Variants in PLXNA4 observed in about 807,000 individuals in gnomAD.
PLXNA4 encodes the protein plexin A4.
PLXNA4 carries 44 observed loss-of-function variants against 191.8 expected under a neutral mutation model. The observed-to-expected ratio is 0.23, with a 90% CI of 0.18 to 0.29. The LOEUF is 0.29. Among genes scored for constraint, PLXNA4 ranks in the 10% least tolerant of loss-of-function variants. The pLI is 1.00. For synonymous variants in PLXNA4, 1,082 were observed against 1,009.5 expected (o/e 1.07, Z -1.36); for missense variants, 1,800 against 2,488.8 (o/e 0.72, Z 5.89).
Position 132,156,677 on chromosome 7 carries a change from C to T in PLXNA4, c.4660+2796G>A, listed in dbSNP as rs73725833. Among the ~76,000 whole-genome samples the T allele has an allele frequency of 8.6e-3, 1,316 of 152,316 alleles. 25 individuals are homozygous for T. Among genetic ancestry groups the T allele is most frequent in the African/African-American group, 0.03 (1,238 of 41,582 alleles). On this transcript the variant is annotated intron_variant, in intron 25 of 31. Transcript: ENST00000321063. Reference sequence around the variant, plus strand: ...GCTGAGTGAGTGCCAATGTGCTATGCGTCCCTTTGGCATAAATAGTCACAC... The same window carrying T: ...GCTGAGTGAGTGCCAATGTGCTATGTGTCCCTTTGGCATAAATAGTCACAC...
chr7:132,231,621 C>A (rs1433041998), intron 5 of PLXNA4, among the ~76,000 whole-genome samples: 2 of 152,156 alleles, frequency 1.3e-5, no homozygotes, highest in African/African-American at 4.8e-5. Flanking sequence ...GATGGGGTTT[C>A]ACCATGTTGC....
intron 3 of PLXNA4, among the ~76,000 whole-genome samples, chr7:132,432,178 G>A (rs1454663343): frequency 2.6e-5 from 4 of 152,074 alleles, no homozygotes; most frequent in South Asian, 4.1e-4. Context: ...TGCATCTAAC[G>A]GGGTACCAGA....
intron 13 of PLXNA4, among the ~76,000 whole-genome samples, chr7:132,195,653 T>C (rs189057855): frequency 2.0e-5 from 3 of 152,358 alleles, no homozygotes; most frequent in African/African-American, 7.2e-5. Flanking sequence ...ATTTTTATTT[T>C]TATTTTGCAA....
At chr7:132,522,741 C>T (rs1799241182) in intron 1 of PLXNA4, among the ~76,000 whole-genome samples, 2 of 152,208 alleles carry the variant, frequency 1.3e-5, no homozygotes, top group Non-Finnish European at 2.9e-5. Flanking sequence ...CACTGCACTC[C>T]AGCCTGGGTG....
chr7:132,550,429 G>C (rs534488313), intron 1 of PLXNA4, among the ~76,000 whole-genome samples: 1 of 152,186 alleles, frequency 6.6e-6, no homozygotes, highest in Non-Finnish European at 1.5e-5. Context: ...GTGCTGGAAG[G>C]AATCTGGGGA....
intron 2 of PLXNA4, among the ~76,000 whole-genome samples, chr7:132,627,489 T>C (rs1480579576): frequency 6.6e-6 from 1 of 152,244 alleles, no homozygotes; most frequent in Admixed American, 6.5e-5. Flanking sequence ...TCTTATTTGC[T>C]TAGTTTTTAT....
chr7:132,276,332 TG>T (rs1474774658), intron 4 of PLXNA4, among the ~76,000 whole-genome samples: 3 of 152,188 alleles, frequency 2.0e-5, no homozygotes, highest in Non-Finnish European at 2.9e-5. Flanking sequence ...TGTCTCCTCC[TG>T]CTTCCAACAC....
intron 2 of PLXNA4, among the ~76,000 whole-genome samples, chr7:132,606,113 G>A (rs879905239): frequency 2.0e-5 from 3 of 152,174 alleles, no homozygotes; most frequent in Admixed American, 6.5e-5. Flanking sequence ...GCAGTGAGCC[G>A]AGATCATGCC....
At chr7:132,253,271 T>C (rs1799319888) in intron 4 of PLXNA4, among the ~76,000 whole-genome samples, 1 of 149,934 alleles carries the variant, frequency 6.7e-6, no homozygotes, top group Non-Finnish European at 1.5e-5. Flanking sequence ...AGTCTCACTC[T>C]GTCACCCAGG....
At chr7:132,321,492 C>T (rs1334919318) in intron 3 of PLXNA4, among the ~76,000 whole-genome samples, 1 of 152,058 alleles carries the variant, frequency 6.6e-6, no homozygotes, top group Non-Finnish European at 1.5e-5. Flanking sequence ...GAGCAACTCC[C>T]ATAAACAGCA....
In PLXNA4 at chr7:132,493,630, C is replaced by T. The variant is rs185032863; in HGVS notation, c.1189-4156G>A. On this transcript the variant is annotated intron_variant, in intron 2 of 31. Coordinates refer to ENST00000321063, the MANE Select transcript of PLXNA4 (RefSeq NM_020911.2). ...AGGACAGGGGCCACGTTTTATGCAT[C>T]TTTGTACCCCTAGCTTAGTGCCTGG... Among the ~76,000 whole-genome samples the T allele has an allele frequency of 1.6e-4, 24 of 152,230 alleles. No homozygotes were observed. In the East Asian group the frequency reaches 4.4e-3, roughly 28 times the overall value.
At chr7:132,544,184 T>A (rs1243655766) in intron 1 of PLXNA4, among the ~76,000 whole-genome samples, 1 of 152,166 alleles carries the variant, frequency 6.6e-6, no homozygotes, top group African/African-American at 2.4e-5. Flanking sequence ...AACCCACCCA[T>A]CCTCTTTTTA....
intron 2 of PLXNA4, among the ~76,000 whole-genome samples, chr7:132,610,215 G>A (rs1803019028): frequency 6.6e-6 from 1 of 152,176 alleles, no homozygotes; most frequent in Admixed American, 6.5e-5. Context: ...ACACAAGATG[G>A]CAGGAGCCCC....
chr7:132,529,249 G>T (rs1400305868), intron 1 of PLXNA4, among the ~76,000 whole-genome samples: 3 of 152,150 alleles, frequency 2.0e-5, no homozygotes, highest in Admixed American at 6.5e-5. Flanking sequence ...GGGAATAACA[G>T]AAATAGCAGA....
At chr7:132,618,162 A>G (rs767285624) in intron 2 of PLXNA4, among the ~76,000 whole-genome samples, 2 of 152,226 alleles carry the variant, frequency 1.3e-5, no homozygotes, top group Non-Finnish European at 2.9e-5. Flanking sequence ...CTGGGCAGCC[A>G]TTGGTCAGAT....
At chr7:132,633,725 G>A (rs529820980) in intron 2 of PLXNA4, among the ~76,000 whole-genome samples, 7 of 152,216 alleles carry the variant, frequency 4.6e-5, no homozygotes, top group South Asian at 4.1e-4. Context: ...CCCCAGCTGC[G>A]TCCCTGACTC....
intron 3 of PLXNA4, among the ~76,000 whole-genome samples, chr7:132,485,245 G>C (rs191963392): frequency 6.6e-6 from 1 of 152,322 alleles, no homozygotes; most frequent in East Asian, 1.9e-4. Context: ...GGGCCAGCCA[G>C]AGTTCCGCTT....
chr7:132,633,533 G>A (rs149362148), intron 2 of PLXNA4, among the ~76,000 whole-genome samples: 61 of 152,034 alleles, frequency 4.0e-4, no homozygotes, highest in African/African-American at 1.1e-3. Context: ...CACCTGCCTC[G>A]GCCTTCCAAA....
intron 3 of PLXNA4, among the ~76,000 whole-genome samples, chr7:132,377,442 A>T (rs1804705365): frequency 6.6e-6 from 1 of 152,052 alleles, no homozygotes; most frequent in Admixed American, 6.5e-5. Flanking sequence ...AAAAAAAGAA[A>T]ACAAAACAAA....
Sources: gnomAD v4.1 joint callset for allele counts (sites outside exome capture counted in the v4.1 genomes callset) on GRCh38, gnomAD v4.1.1 for gene constraint, MANE v1.5 for transcripts, NCBI Gene and HGNC (gene_info 2026-07-23, HGNC 2026-07-21) for gene names.